Variants in NF1 observed in about 807,000 individuals in gnomAD.
NF1 encodes neurofibromin.
A neutral mutation model predicts 325.7 loss-of-function variants in NF1; 122 were observed. The ratio of observed to expected loss-of-function variants is 0.37; its 90% CI spans 0.32 to 0.44. The LOEUF (loss-of-function observed/expected upper bound fraction) is 0.44. Ranked by LOEUF, NF1 falls within the 20% of genes least tolerant of loss-of-function variation. The pLI is 1.00. For missense variants in NF1, 2,140 were observed against 3,415.4 expected, an observed-to-expected ratio of 0.63 and a Z score of 9.31; for synonymous variants, 1,091 against 1,186.0, an observed-to-expected ratio of 0.92 and a Z score of 1.65.
In NF1 at chr17:31,152,671, A is replaced by G. The variant is rs576344197; in HGVS notation, c.61-3312A>G. On this transcript the variant is annotated intron_variant, in intron 1 of 57. Coordinates refer to ENST00000358273, the MANE Select transcript of NF1 (RefSeq NM_001042492.3). ...TCTAATTCTTTCTTGAGTTCTGTCA[A>G]CTTATTTCTATCTGTAATTCTTATT... is the stretch of plus-strand genomic sequence containing the variant. Among the ~76,000 whole-genome samples the G allele has an allele frequency of 4.7e-5, 7 of 147,796 alleles. No homozygotes were observed. In the South Asian group the frequency reaches 1.3e-3, roughly 27 times the overall value.
intron 29 of NF1, among the ~76,000 whole-genome samples, chr17:31,236,559 C>T (rs1357234339): frequency 1.3e-5 from 2 of 152,210 alleles, no homozygotes; most frequent in East Asian, 1.9e-4. Context: ...CCTGCCTCAG[C>T]CTCCTGAGTA....
At position 31,377,603 on chromosome 17, in the gene NF1, C is replaced by T. The variant is rs1302214559; in HGVS notation, c.*3448C>T. The T allele has an allele frequency of 1.3e-5, 3 of 232,894 alleles. No homozygotes were observed. Among genetic ancestry groups the T allele is most frequent in the Non-Finnish European group, 2.5e-5 (3 of 117,710 alleles). The allele number at this position is 232,894 out of a possible 1,614,324, so 14.4% of individuals were successfully genotyped here. A position where few individuals can be genotyped will look rare whatever the true frequency, so the allele number is the denominator to read the frequency against. ...TTCAGATCTTTATTGTTCCTCACCC[C>T]ATTTTCCTCCTTGTGTATGTACTTC... On this transcript the variant is annotated 3_prime_UTR_variant, in exon 58 of 58. Coordinates refer to ENST00000358273, the MANE Select transcript of NF1 (RefSeq NM_001042492.3).
At chr17:31,335,469 T>A (rs1015852615) in intron 40 of NF1, among the ~76,000 whole-genome samples, 1 of 150,256 alleles carries the variant, frequency 6.7e-6, no homozygotes, top group African/African-American at 2.5e-5. Context: ...TCATTTATAG[T>A]TCTACATAAG....
At chr17:31,330,645 A>G in intron 39 of NF1, 147 bp downstream of exon 39, 2 of 653,726 alleles carry the variant, frequency 3.1e-6, no homozygotes, top group Non-Finnish European at 5.1e-6. Context: ...GGTATCCTGT[A>G]ACTGAAGGAA....
intron 51 of NF1, among the ~76,000 whole-genome samples, chr17:31,354,353 GC>G (rs2070221146): frequency 6.6e-6 from 1 of 152,166 alleles, no homozygotes; most frequent in Admixed American, 6.5e-5. Flanking sequence ...ATGTTTAAGA[GC>G]AGTGGGGAAT....
chr17:31,140,612 A>G (rs935599755), intron 1 of NF1, among the ~76,000 whole-genome samples: 12 of 152,342 alleles, frequency 7.9e-5, no homozygotes, highest in Non-Finnish European at 1.8e-4. Flanking sequence ...GGATACTTAA[A>G]GGAGATGAAA....
chr17:31,118,522 T>C (rs1464616272), intron 1 of NF1, among the ~76,000 whole-genome samples: 4 of 152,130 alleles, frequency 2.6e-5, no homozygotes, highest in Non-Finnish European at 5.9e-5. Flanking sequence ...CTCGTACTTA[T>C]GAATGAGAAC....
intron 48 of NF1, chr17:31,345,415 CG>C: frequency 8.0e-7 from 1 of 1,245,640 alleles, no homozygotes; most frequent in South Asian, 1.6e-5. Context: ...CCAGTGAGAG[CG>C]GAGGGTGCCA....
intron 35 of NF1, among the ~76,000 whole-genome samples, chr17:31,262,400 A>T (rs1231194388): frequency 1.3e-5 from 2 of 152,224 alleles, no homozygotes; most frequent in African/African-American, 4.8e-5. Context: ...TTTGTGAATG[A>T]AAAGATCCTC....
In NF1 at chr17:31,352,745, G is replaced by C. The variant is rs575492592; in HGVS notation, c.7615+331G>C. On this transcript the variant is annotated intron_variant, in intron 51 of 57. Transcript: ENST00000358273. ...CCTATAAGAAAGGAAGAGTCTTGCT[G>C]CACTCAGGGGATTTAATGATATACT... 3.3e-5 allele frequency among the ~76,000 whole-genome samples: 5 copies of C among 152,202 alleles called. No homozygotes were observed. In the South Asian group the frequency reaches 1.0e-3, roughly 32 times the overall value.
At chr17:31,223,421 C>T (rs1463129306) in intron 15 of NF1, 23 bp from the exon 16 acceptor site, 2 of 1,609,186 alleles carry the variant, frequency 1.2e-6, no homozygotes, top group African/African-American at 1.3e-5. Context: ...ATGCTAGTAA[C>T]AATGAACTTT....
At chr17:31,224,031 A>G (rs182704024) in intron 16 of NF1, among the ~76,000 whole-genome samples, 16 of 152,278 alleles carry the variant, frequency 1.1e-4, no homozygotes, top group Non-Finnish European at 1.8e-4. Flanking sequence ...TAGCTCTGAG[A>G]AATCGTAAAG....
chr17:31,166,624 C>T (rs960054454), intron 4 of NF1, among the ~76,000 whole-genome samples: 22 of 152,114 alleles, frequency 1.4e-4, no homozygotes, highest in African/African-American at 5.3e-4. Context: ...ACTTTTTTCA[C>T]TTTATCCAAA....
chr17:31,325,171 T>G (rs1384859758), intron 36 of NF1, among the ~76,000 whole-genome samples: 2 of 152,166 alleles, frequency 1.3e-5, no homozygotes, highest in Non-Finnish European at 2.9e-5. Flanking sequence ...CAGGAGAGGC[T>G]TTATCTCATA....
At chr17:31,369,805 G>T (rs554283962) in intron 57 of NF1, among the ~76,000 whole-genome samples, 1 of 152,274 alleles carries the variant, frequency 6.6e-6, no homozygotes, top group South Asian at 2.1e-4. Context: ...GGATATTGAG[G>T]TGAAATCCTT....
In NF1 at chr17:31,250,564, T is replaced by C. The variant is rs146390781; in HGVS notation, c.4110+1445T>C. 3.8e-4 allele frequency: 77 copies of C among 200,154 alleles called. No individual in the cohort carries two copies. The East Asian group carries it at 5.8e-3, about 15-fold the overall frequency. 12.4% of individuals were successfully genotyped at this position (200,154 alleles called of 1,614,324 possible). A position where few individuals can be genotyped will look rare whatever the true frequency, so the allele number is the denominator to read the frequency against. ...ATTGTAGTAGAATTTCTTCATGTGG[T>C]TGTCATCCTAAAAGAAAAATCTTTT... On this transcript the variant is annotated intron_variant, in intron 30 of 57. Transcript: ENST00000358273.
chr17:31,106,603 G>C (rs1218054634), intron 1 of NF1, among the ~76,000 whole-genome samples: 1 of 152,184 alleles, frequency 6.6e-6, no homozygotes, highest in Non-Finnish European at 1.5e-5. Context: ...TTCACTCGAA[G>C]ATGGTATATT....
intron 1 of NF1, among the ~76,000 whole-genome samples, chr17:31,123,521 A>G (rs1914613393): frequency 6.6e-6 from 1 of 152,190 alleles, no homozygotes; most frequent in Non-Finnish European, 1.5e-5. Context: ...TCTAGTCTCA[A>G]GTGGTCTTTC....
chr17:31,229,736 A>C (rs2151430169), intron 21 of NF1, 99 bp from the exon 22 acceptor site: 2 of 1,466,784 alleles, frequency 1.4e-6, no homozygotes, highest in Non-Finnish European at 1.9e-6. Context: ...CTGTGGGTGC[A>C]CTTACTCTGT....
Sources: allele counts gnomAD v4.1 joint callset (sites outside exome capture counted in the v4.1 genomes callset), GRCh38; gene constraint gnomAD v4.1.1; transcripts MANE v1.5; gene names NCBI Gene and HGNC (gene_info 2026-07-23, HGNC 2026-07-21).